The following DLG2 variants were observed in gnomAD, a reference collection of about 807,000 sequenced individuals.
The protein encoded by DLG2 is discs large MAGUK scaffold protein 2.
A neutral mutation model predicts 132.5 loss-of-function variants in DLG2; 45 were observed. That is an observed-to-expected ratio of 0.34 (90% CI 0.27 to 0.44). The LOEUF is 0.44. Among genes scored for constraint, DLG2 ranks in the 20% least tolerant of loss-of-function variants. The pLI, the probability that DLG2 is intolerant of heterozygous loss-of-function variation, is 1.00. For synonymous variants in DLG2, 424 were observed against 419.6 expected (o/e 1.01, Z -0.13); for missense variants, 1,045 against 1,196.9 (o/e 0.87, Z 1.87).
At chr11:83,798,865 G>T (rs768426459) in intron 17 of DLG2, among the ~76,000 whole-genome samples, 1 of 152,188 alleles carries the variant, frequency 6.6e-6, no homozygotes. Flanking sequence ...GTGATGAGAT[G>T]CAACGAAGTG....
At chr11:85,276,481 C>T (rs373086185) in intron 4 of DLG2, among the ~76,000 whole-genome samples, 46 of 152,266 alleles carry the variant, frequency 3.0e-4, no homozygotes, top group Middle Eastern at 3.4e-3. Context: ...TCTGACATCT[C>T]TAACTCTGAT....
intron 6 of DLG2, among the ~76,000 whole-genome samples, chr11:84,841,206 T>C (rs1459082578): frequency 1.3e-5 from 2 of 151,748 alleles, no homozygotes; most frequent in Non-Finnish European, 2.9e-5. Flanking sequence ...CCTGGATGAG[T>C]ATGATACATA....
intron 2 of DLG2, among the ~76,000 whole-genome samples, chr11:85,618,229 G>A (rs1214503006): frequency 6.6e-6 from 1 of 151,956 alleles, no homozygotes; most frequent in African/African-American, 2.4e-5. Flanking sequence ...ATAAATTCCT[G>A]GGCAAGAATT....
chr11:85,340,111 C>T (rs2082383727), intron 3 of DLG2, among the ~76,000 whole-genome samples: 1 of 152,148 alleles, frequency 6.6e-6, no homozygotes, highest in Admixed American at 6.5e-5. Context: ...ACTAGAATTA[C>T]CATTTGACCC....
chr11:85,395,179 T>C (rs1018246813), intron 3 of DLG2, among the ~76,000 whole-genome samples: 2 of 152,098 alleles, frequency 1.3e-5, no homozygotes, highest in Non-Finnish European at 2.9e-5. Context: ...TACATAAACA[T>C]ATAAATGAAA....
At chr11:83,675,319 C>T (rs557965958) in intron 18 of DLG2, among the ~76,000 whole-genome samples, 2 of 152,254 alleles carry the variant, frequency 1.3e-5, no homozygotes, top group African/African-American at 2.4e-5. Context: ...ATGTCTCATT[C>T]GCAAAGTGAT....
intron 19 of DLG2, among the ~76,000 whole-genome samples, chr11:83,611,807 C>T (rs1022416907): frequency 6.6e-6 from 1 of 152,162 alleles, no homozygotes; most frequent in African/African-American, 2.4e-5. Flanking sequence ...ACACTGAGGG[C>T]TTGTTGCCAG....
At position 84,046,086 on chromosome 11, in the gene DLG2, T is replaced by G. The variant is rs1407949626; in HGVS notation, c.919+13229A>C. On this transcript the variant is annotated intron_variant, in intron 11 of 27. Transcript: ENST00000376104. ...CATAAATTGAAGACTTGGTCACGGT[T>G]TCCTAGAAAAAGCCTGGGCATATAT... 5.3e-5 allele frequency among the ~76,000 whole-genome samples: 8 copies of G among 151,558 alleles called. No individual in the cohort carries two copies. The Admixed American group carries it at 5.3e-4, about 10-fold the overall frequency.
At chr11:84,558,229 G>GT (rs2099415915) in intron 6 of DLG2, among the ~76,000 whole-genome samples, 1 of 152,136 alleles carries the variant, frequency 6.6e-6, no homozygotes. Context: ...TTTGGAGTTG[G>GT]TTTATTTCCC....
chr11:85,567,345 C>T (rs1473861475), intron 3 of DLG2, among the ~76,000 whole-genome samples: 1 of 152,052 alleles, frequency 6.6e-6, no homozygotes, highest in East Asian at 1.9e-4. Flanking sequence ...TTTATTTGAG[C>T]AATGTTTTAG....
chr11:85,583,128 GTGTATATATATATATATATATA>G (rs2078711129), intron 3 of DLG2, among the ~76,000 whole-genome samples: 3 of 27,420 alleles, frequency 1.1e-4, no homozygotes, highest in Admixed American at 4.7e-4. Context: ...GTGTGTGTGT[GTGTATATATATATATATATATA>G]TATATATATA....
At chr11:85,479,349 A>T (rs552668032) in intron 3 of DLG2, among the ~76,000 whole-genome samples, 1 of 152,224 alleles carries the variant, frequency 6.6e-6, no homozygotes, top group South Asian at 2.1e-4. Flanking sequence ...AAAAAGGGCA[A>T]TGGAGCTCTC....
intron 3 of DLG2, among the ~76,000 whole-genome samples, chr11:85,582,705 A>AAAAAAT (rs1565716140): frequency 5.1e-5 from 7 of 138,290 alleles, no homozygotes; most frequent in South Asian, 2.4e-4. Flanking sequence ...AAAAAAAAAA[A>AAAAAAT]CTCGTGCAGC....
At chr11:85,006,104 T>C (rs534703492) in intron 6 of DLG2, among the ~76,000 whole-genome samples, 4 of 152,366 alleles carry the variant, frequency 2.6e-5, no homozygotes, top group East Asian at 3.9e-4. Context: ...AGCTTTTTTA[T>C]GTGCTGCTGG....
At chr11:84,009,556 A>C (rs1273061015) in intron 11 of DLG2, among the ~76,000 whole-genome samples, 1 of 152,020 alleles carries the variant, frequency 6.6e-6, no homozygotes, top group Non-Finnish European at 1.5e-5. Context: ...ATCAAAAGTG[A>C]GTTTTTATTT....
At chr11:85,286,831 G>T (rs1315149684) in intron 3 of DLG2, among the ~76,000 whole-genome samples, 3 of 152,048 alleles carry the variant, frequency 2.0e-5, no homozygotes, top group Non-Finnish European at 4.4e-5. Flanking sequence ...TTGATCGTAG[G>T]ACTGGGGCAG....
intron 6 of DLG2, among the ~76,000 whole-genome samples, chr11:84,608,385 C>T (rs1306612309): frequency 2.0e-5 from 3 of 152,156 alleles, no homozygotes; most frequent in Non-Finnish European, 2.9e-5. Context: ...TGCACCACCT[C>T]CAGCAATGGT....
At chr11:85,571,026 A>C (rs982834600) in intron 3 of DLG2, among the ~76,000 whole-genome samples, 16 of 152,250 alleles carry the variant, frequency 1.1e-4, no homozygotes, top group African/African-American at 3.8e-4. Flanking sequence ...TAGTTTTTTT[A>C]ACATGGTTCA....
chr11:84,252,383 C>T (rs995775967), intron 7 of DLG2, among the ~76,000 whole-genome samples: 3 of 151,674 alleles, frequency 2.0e-5, no homozygotes, highest in African/African-American at 4.8e-5. Context: ...CTCCTGACCT[C>T]GTGATTCGCC....
Sources: allele counts gnomAD v4.1 joint callset (sites outside exome capture counted in the v4.1 genomes callset), GRCh38; gene constraint gnomAD v4.1.1; transcripts MANE v1.5; gene names NCBI Gene and HGNC (gene_info 2026-07-23, HGNC 2026-07-21).